FABP7: variants seen among roughly 807,000 people sequenced by gnomAD.
FABP7 encodes the protein fatty acid binding protein 7, also known as fatty acid-binding protein, brain.
A neutral mutation model predicts 14.2 loss-of-function variants in FABP7; 13 were observed. That is an observed-to-expected ratio of 0.91 (90% CI 0.59 to 1.45). The LOEUF (loss-of-function observed/expected upper bound fraction) is 1.45. Ranked by LOEUF, FABP7 falls within the 40% of genes most tolerant of loss-of-function variation. FABP7 has a pLI of 0.00. For synonymous variants in FABP7, 49 were observed against 51.4 expected, an observed-to-expected ratio of 0.95 and a Z score of 0.20; for missense variants, 149 against 157.6, an observed-to-expected ratio of 0.95 and a Z score of 0.29.
At chr6:122,760,795 T>C in the FABP7 span, among the ~76,000 whole-genome samples, 4 of 152,108 alleles carry the variant, frequency 2.6e-5, no homozygotes, top group African/African-American at 9.7e-5. Context: ...TTTTGATATA[T>C]AATAGTGGCC....
the FABP7 span, among the ~76,000 whole-genome samples, chr6:122,768,911 G>A: frequency 1.1e-4 from 17 of 152,208 alleles, no homozygotes; most frequent in African/African-American, 4.1e-4. Flanking sequence ...TGGAAACAAG[G>A]AGAAAGGAAT....
chr6:122,755,459 A>ATTTTTTTT, the FABP7 span, among the ~76,000 whole-genome samples: 5 of 131,956 alleles, frequency 3.8e-5, no homozygotes, highest in East Asian at 2.2e-4. Flanking sequence ...TATGTTTTGT[A>ATTTTTTTT]TTTTTTTTTT....
chr6:122,783,295 A>T, intron 3 of FABP7: 1 of 985,420 alleles, frequency 1.0e-6, no homozygotes, highest in Non-Finnish European at 1.2e-6. Flanking sequence ...AAATACCATC[A>T]GCTCAAATGA....
At chr6:122,761,050 T>C in the FABP7 span, among the ~76,000 whole-genome samples, 1 of 152,178 alleles carries the variant, frequency 6.6e-6, no homozygotes, top group African/African-American at 2.4e-5. Context: ...CTGTCCCTCT[T>C]CCCCAATTCT....
chr6:122,774,186 A>C, the FABP7 span, among the ~76,000 whole-genome samples: 18 of 152,026 alleles, frequency 1.2e-4, no homozygotes, highest in African/African-American at 4.1e-4. Flanking sequence ...ATATGGTAAA[A>C]CACCATCTCT....
the FABP7 span, among the ~76,000 whole-genome samples, chr6:122,769,676 T>C: frequency 6.6e-6 from 1 of 152,124 alleles, no homozygotes; most frequent in Admixed American, 6.6e-5. Context: ...ATAGGCCGAG[T>C]AGAAAACTTA....
At chr6:122,777,451 G>A (rs554160871), upstream of FABP7, among the ~76,000 whole-genome samples, 70 of 152,058 alleles carry the variant, frequency 4.6e-4, no homozygotes, top group Admixed American at 1.9e-3. Context: ...AAGGGAAGTC[G>A]GACATACTTC....
the FABP7 span, among the ~76,000 whole-genome samples, chr6:122,761,831 T>G: frequency 2.0e-5 from 3 of 152,170 alleles, no homozygotes; most frequent in Admixed American, 2.0e-4. Context: ...AAGAAATCAA[T>G]TTTAACTCAA....
the FABP7 span, among the ~76,000 whole-genome samples, chr6:122,751,743 A>C: frequency 6.6e-6 from 1 of 152,074 alleles, no homozygotes; most frequent in African/African-American, 2.4e-5. Flanking sequence ...ATCCTTCCAA[A>C]TTTAAGAAGG....
intron 1 of FABP7, 145 bp from the exon 2 acceptor site, chr6:122,780,146 A>T: frequency 1.1e-6 from 1 of 885,196 alleles, no homozygotes; most frequent in Non-Finnish European, 1.8e-6. Flanking sequence ...TTATCACAGT[A>T]GTGTTTTACA....
the FABP7 span, among the ~76,000 whole-genome samples, chr6:122,773,072 A>G: frequency 6.6e-6 from 1 of 152,182 alleles, no homozygotes; most frequent in Non-Finnish European, 1.5e-5. Flanking sequence ...AAAACTCTTT[A>G]TCAGAGGAAT....
chr6:122,781,537 T>C (rs1780784520), intron 3 of FABP7: 1 of 1,307,762 alleles, frequency 7.6e-7, no homozygotes, highest in African/African-American at 1.5e-5. Flanking sequence ...ATAAAGCCCA[T>C]AATCACTGAA....
chr6:122,783,250 T>C, intron 3 of FABP7: 1 of 985,498 alleles, frequency 1.0e-6, no homozygotes, highest in Non-Finnish European at 1.2e-6. Flanking sequence ...TTTGTACCTT[T>C]ACATGTTCCT....
At chr6:122,766,190 C>T in the FABP7 span, among the ~76,000 whole-genome samples, 1 of 152,104 alleles carries the variant, frequency 6.6e-6, no homozygotes, top group South Asian at 2.1e-4. Context: ...CACCTATTGC[C>T]TACTTCCCTG....
chr6:122,767,772 GAA>G, the FABP7 span, among the ~76,000 whole-genome samples: 1 of 139,534 alleles, frequency 7.2e-6, no homozygotes, highest in African/African-American at 2.6e-5. Context: ...AAAAAAAAAA[GAA>G]GAGAGAGAGA....
At chr6:122,774,013 A>G in the FABP7 span, among the ~76,000 whole-genome samples, 21 of 152,120 alleles carry the variant, frequency 1.4e-4, no homozygotes, top group African/African-American at 5.1e-4. Flanking sequence ...GAGACTGTAG[A>G]TGCGTTTGTA....
chr6:122,780,337 G>A lies in FABP7; in HGVS notation c.120G>A (p.Thr40=), dbSNP rs149239919. 2.7e-4 allele frequency: 440 copies of A among 1,614,108 alleles called. 3 individuals carry two copies. The South Asian group carries it at 4.0e-3, about 15-fold the overall frequency. The change falls in exon 2 of 4, where the codon ACG becomes ACA. Residue 40 remains threonine (T), a synonymous_variant. Transcript: ENST00000368444. ...TRQVGNVTKP[T]VIISQEGDKV... Reference sequence around the variant, plus strand: ...AGGTGGGAAATGTGACCAAACCAACGGTAATTATCAGTCAAGAAGGAGACA... The same window carrying A: ...AGGTGGGAAATGTGACCAAACCAACAGTAATTATCAGTCAAGAAGGAGACA...
At chr6:122,762,742 A>C in the FABP7 span, among the ~76,000 whole-genome samples, 3 of 152,144 alleles carry the variant, frequency 2.0e-5, no homozygotes, top group Admixed American at 6.6e-5. Context: ...TTCTATACAC[A>C]AATAACAGAC....
the FABP7 span, among the ~76,000 whole-genome samples, chr6:122,763,729 A>G: frequency 6.6e-6 from 1 of 152,238 alleles, no homozygotes; most frequent in Non-Finnish European, 1.5e-5. Context: ...AAGTGGGTGA[A>G]GGATATGAAC....
Sources: allele counts gnomAD v4.1 joint callset (sites outside exome capture counted in the v4.1 genomes callset), GRCh38; gene constraint gnomAD v4.1.1; transcripts MANE v1.5; gene names NCBI Gene and HGNC (gene_info 2026-07-23, HGNC 2026-07-21).